PATL2: variants seen among roughly 807,000 people sequenced by gnomAD.
The protein encoded by PATL2 is protein PAT1 homolog 2.
In PATL2, 73 loss-of-function variants were observed where a neutral mutation model predicts 77.0. The ratio of observed to expected loss-of-function variants is 0.95; its 90% CI spans 0.78 to 1.15. The LOEUF is 1.15. PATL2 is among the 50% of genes most tolerant of loss of function. The pLI is 0.00. For missense variants in PATL2, 618 were observed against 655.4 expected, an observed-to-expected ratio of 0.94 and a Z score of 0.62; for synonymous variants, 265 against 257.1, an observed-to-expected ratio of 1.03 and a Z score of -0.29.
At chr15:44,692,364 A>G (rs1443629307) in intron 3 of PATL2, among the ~76,000 whole-genome samples, 2 of 152,218 alleles carry the variant, frequency 1.3e-5, no homozygotes, top group African/African-American at 4.8e-5. Context: ...GGTTTGTAAA[A>G]TAGCAAACAA....
At chr15:44,700,173 T>G (rs1817949915) in intron 3 of PATL2, among the ~76,000 whole-genome samples, 1 of 152,206 alleles carries the variant, frequency 6.6e-6, no homozygotes, top group Admixed American at 6.5e-5. Context: ...TCAATTTCTT[T>G]CATCAGTGTT....
At chr15:44,670,136 ATCT>A in intron 9 of PATL2, 49 bp from the exon 10 acceptor site, 5 of 1,536,056 alleles carry the variant, frequency 3.3e-6, no homozygotes, top group Non-Finnish European at 4.4e-6. Flanking sequence ...CCTTATATTC[ATCT>A]TTTGAATTTA....
At chr15:44,702,888 G>A (rs1350170672) in intron 3 of PATL2, among the ~76,000 whole-genome samples, 2 of 151,978 alleles carry the variant, frequency 1.3e-5, no homozygotes, top group East Asian at 3.8e-4. Context: ...GACTTATTTT[G>A]TGGTCTAACA....
chr15:44,666,940 T>G, intron 16 of PATL2, 166 bp downstream of exon 16: 2 of 618,438 alleles, frequency 3.2e-6, no homozygotes, highest in Non-Finnish European at 2.8e-6. Flanking sequence ...AAACCGAAAC[T>G]CTAGGGCACT....
intron 16 of PATL2, 65 bp from the exon 17 acceptor site, chr15:44,666,606 TTTC>T: frequency 7.0e-7 from 1 of 1,423,654 alleles, no homozygotes; most frequent in East Asian, 2.5e-5. Context: ...AGGGCCAAGG[TTTC>T]TTATTATCTT....
chr15:44,673,419 C>A, intron 6 of PATL2, 42 bp from the exon 7 acceptor site: 3 of 1,547,490 alleles, frequency 1.9e-6, no homozygotes, highest in Non-Finnish European at 1.7e-6. Context: ...GCCATCTCCA[C>A]CAAAAGAATG....
At chr15:44,700,383 C>A (rs1566869372) in intron 3 of PATL2, among the ~76,000 whole-genome samples, 2 of 152,050 alleles carry the variant, frequency 1.3e-5, no homozygotes, top group Non-Finnish European at 1.5e-5. Flanking sequence ...TTCACTGCAG[C>A]CTCCACCTCC....
At chr15:44,675,211 A>T (rs1295758784) in intron 5 of PATL2, 3 of 394,044 alleles carry the variant, frequency 7.6e-6, no homozygotes, top group Non-Finnish European at 1.4e-5. Flanking sequence ...AACGTGACTC[A>T]CCTTTAACGC....
Position 44,697,902 on chromosome 15 carries a change from T to A in PATL2, c.-76+12194A>T, listed in dbSNP as rs189101435. The stretch of plus-strand genomic sequence containing the variant: ...GTCAGCAGCTTTCCCACTTTTTTTT[T>A]ATTATTATTTTAAAAAATTGAGATG... On this transcript the variant is annotated intron_variant, in intron 3 of 17. Coordinates refer to ENST00000682850, the MANE Select transcript of PATL2 (RefSeq NM_001387263.1). 3.9e-3 allele frequency among the ~76,000 whole-genome samples: 587 copies of A among 152,064 alleles called. 3 individuals carry two copies. Among genetic ancestry groups the A allele is most frequent in the African/African-American group, 0.014 (563 of 41,480 alleles).
chr15:44,675,591 C>T lies in PATL2; in HGVS notation c.117G>A (p.Glu39=). The T allele has an allele frequency of 1.9e-6, 3 of 1,551,826 alleles. No homozygotes were observed. The highest frequency in any genetic ancestry group is 2.6e-6 in the Non-Finnish European group (3 of 1,146,864). The change falls in exon 5 of 18, where the codon GAG becomes GAA. Residue 39 remains glutamate, a synonymous_variant. Transcript: ENST00000682850. ...GGTCCAGATCCTCCTCGTCCTCCTC[C>T]TCTTCCTCCTCCTCCCCTTCATTCT... ...EEENEGEEEE[E]EEDEEDLDPD... is the part of the protein sequence containing the mutation.
chr15:44,668,140 C>T (rs945166875), intron 15 of PATL2, among the ~76,000 whole-genome samples: 3 of 152,086 alleles, frequency 2.0e-5, no homozygotes, highest in Non-Finnish European at 2.9e-5. Context: ...TGCATGGGCC[C>T]CACCCCAGAC....
At chr15:44,690,339 TA>T (rs751920204) in intron 3 of PATL2, among the ~76,000 whole-genome samples, 4 of 142,426 alleles carry the variant, frequency 2.8e-5, no homozygotes, top group Admixed American at 7.0e-5. Context: ...AAAGTCAAAA[TA>T]TTTTTTTTTT....
At chr15:44,680,363 A>G (rs1208730654) in intron 3 of PATL2, among the ~76,000 whole-genome samples, 2 of 152,180 alleles carry the variant, frequency 1.3e-5, no homozygotes, top group East Asian at 3.8e-4. Flanking sequence ...CCAGTCTTCC[A>G]TACAACTCCC....
At chr15:44,710,296 T>C (rs1388308780) in intron 2 of PATL2, among the ~76,000 whole-genome samples, 82 bp from the exon 3 acceptor site, 1 of 152,240 alleles carries the variant, frequency 6.6e-6, no homozygotes, top group Non-Finnish European at 1.5e-5. Flanking sequence ...CTGAAAACCA[T>C]GGTGACTTCC....
chr15:44,709,892 T>C (rs1273715327), intron 3 of PATL2, among the ~76,000 whole-genome samples: 1 of 152,132 alleles, frequency 6.6e-6, no homozygotes, highest in Non-Finnish European at 1.5e-5. Flanking sequence ...ACTTTTCTAG[T>C]ACAACTCAAC....
chr15:44,670,959 G>A lies in PATL2; in HGVS notation c.658-872C>T, dbSNP rs573352347. 5.3e-5 allele frequency among the ~76,000 whole-genome samples: 8 copies of A among 152,344 alleles called. No homozygotes were observed. The East Asian group carries it at 1.3e-3, about 26-fold the overall frequency. On this transcript the variant is annotated intron_variant, in intron 9 of 17. Coordinates refer to ENST00000682850, the MANE Select transcript of PATL2 (RefSeq NM_001387263.1). ...TCAGCAGCTCTGACATTTTCTTAAA[G>A]TTGAGAAATCCTAAACTAAAATCCA...
chr15:44,676,781 G>T, intron 3 of PATL2: 1 of 1,235,916 alleles, frequency 8.1e-7, no homozygotes, highest in Non-Finnish European at 1.0e-6. Flanking sequence ...ATGAGGCACA[G>T]GCTAGAAGCA....
intron 7 of PATL2, among the ~76,000 whole-genome samples, chr15:44,672,993 C>T (rs951742989): frequency 6.6e-6 from 1 of 152,244 alleles, no homozygotes; most frequent in Admixed American, 6.5e-5. Context: ...CTCCTGGCCT[C>T]AAGTGATCCT....
intron 3 of PATL2, among the ~76,000 whole-genome samples, chr15:44,679,409 G>C (rs2086077110): frequency 6.6e-6 from 1 of 151,918 alleles, no homozygotes; most frequent in African/African-American, 2.4e-5. Context: ...TGTATTTTTA[G>C]TATAGAAGGG....
Sources: gnomAD v4.1 joint callset for allele counts (sites outside exome capture counted in the v4.1 genomes callset) on GRCh38, gnomAD v4.1.1 for gene constraint, MANE v1.5 for transcripts, NCBI Gene and HGNC (gene_info 2026-07-23, HGNC 2026-07-21) for gene names.